The following RUNX2 variants were observed in gnomAD, a reference collection of about 807,000 sequenced individuals.
RUNX2 encodes the protein RUNX family transcription factor 2, also known as runt-related transcription factor 2.
Under a neutral mutation model 51.7 loss-of-function variants are expected in RUNX2, and 10 were observed. The ratio of observed to expected loss-of-function variants is 0.19; its 90% CI spans 0.12 to 0.33. The LOEUF is 0.33. Ranked by LOEUF, RUNX2 falls within the 10% of genes least tolerant of loss-of-function variation. The probability of loss-of-function intolerance (pLI) is 1.00; values close to 1 mark genes in which losing one functional copy is unlikely to be tolerated. For missense variants in RUNX2, 562 were observed against 691.3 expected (o/e 0.81, Z 2.10); for synonymous variants, 276 against 273.6 (o/e 1.01, Z -0.09).
intron 6 of RUNX2, among the ~76,000 whole-genome samples, chr6:45,506,696 C>T (rs557710990): frequency 8.1e-4 from 124 of 152,276 alleles, no homozygotes; most frequent in African/African-American, 2.9e-3. Flanking sequence ...CGCTCTGTCG[C>T]CCAGGCTGGA....
intron 3 of RUNX2, 109 bp from the exon 4 acceptor site, chr6:45,431,754 A>C: frequency 7.9e-7 from 1 of 1,271,538 alleles, no homozygotes; most frequent in Non-Finnish European, 1.1e-6. Context: ...ACTGGACTGG[A>C]CTAGAACACT....
At chr6:45,376,941 T>C (rs1796873099) in intron 2 of RUNX2, among the ~76,000 whole-genome samples, 1 of 151,580 alleles carries the variant, frequency 6.6e-6, no homozygotes, top group Admixed American at 6.6e-5. Context: ...CGAAATAACT[T>C]AACATTTCTA....
intron 2 of RUNX2, among the ~76,000 whole-genome samples, chr6:45,394,687 A>G (rs1398603873): frequency 6.6e-6 from 1 of 152,162 alleles, no homozygotes; most frequent in Non-Finnish European, 1.5e-5. Flanking sequence ...TAGGAAGGCC[A>G]GTAGGGGCTG....
intron 5 of RUNX2, among the ~76,000 whole-genome samples, chr6:45,455,973 G>C (rs559919068): frequency 6.6e-6 from 1 of 151,906 alleles, no homozygotes; most frequent in Non-Finnish European, 1.5e-5. Context: ...GTGAAAATAC[G>C]ACATTGTTAG....
At chr6:45,463,517 T>G (rs1196078783) in intron 5 of RUNX2, among the ~76,000 whole-genome samples, 1 of 152,236 alleles carries the variant, frequency 6.6e-6, no homozygotes, top group Admixed American at 6.5e-5. Context: ...GTATGCTGGT[T>G]TTTTTCCTTT....
rs1561824334 is a variant in RUNX2 at position 45,549,504 on chromosome 6, ATTAC to A, written c.*2203_*2206del. 2 of 397,404 alleles carry A rather than the reference ATTAC, an allele frequency of 5.0e-6. No individual in the cohort carries two copies. Among genetic ancestry groups the A allele is most frequent in the African/African-American group, 2.1e-5 (1 of 48,616 alleles). 24.6% of individuals were successfully genotyped at this position (397,404 alleles called of 1,614,324 possible). A position where few individuals can be genotyped will look rare whatever the true frequency, so the allele number is the denominator to read the frequency against. ...GCTTAGATAAATAAGCCACTTTTCT[ATTAC>A]TTAAGTAAGAAGGAAGTAGTAATTG... On this transcript the variant is annotated 3_prime_UTR_variant, in exon 9 of 9. Transcript: ENST00000647337.
At chr6:45,353,403 A>T (rs902060756) in intron 2 of RUNX2, among the ~76,000 whole-genome samples, 2 of 152,102 alleles carry the variant, frequency 1.3e-5, no homozygotes, top group Non-Finnish European at 2.9e-5. Flanking sequence ...AAAACATATT[A>T]AGAAGCTATA....
intron 4 of RUNX2, among the ~76,000 whole-genome samples, chr6:45,436,198 A>G (rs1798679387): frequency 1.3e-5 from 2 of 152,204 alleles, no homozygotes; most frequent in African/African-American, 4.8e-5. Flanking sequence ...TCTTGGGCAC[A>G]TAGAGCTGAT....
chr6:45,501,701 G>T (rs1010337976), intron 6 of RUNX2, among the ~76,000 whole-genome samples: 1 of 152,174 alleles, frequency 6.6e-6, no homozygotes, highest in Non-Finnish European at 1.5e-5. Context: ...AGACAGATGA[G>T]CTGCCTTCTA....
At chr6:45,419,104 C>CT (rs1798122591) in intron 2 of RUNX2, among the ~76,000 whole-genome samples, 1 of 152,200 alleles carries the variant, frequency 6.6e-6, no homozygotes, top group South Asian at 2.1e-4. Flanking sequence ...AAGGTAACTT[C>CT]TTAAATTCAA....
rs76595706 is a variant in RUNX2, at chr6:45,366,244, G to T, written c.58+37460G>T. 7.5e-3 allele frequency among the ~76,000 whole-genome samples: 1,140 copies of T among 152,288 alleles called. 20 individuals carry two copies. Among genetic ancestry groups the T allele is most frequent in the African/African-American group, 0.026 (1,082 of 41,558 alleles). ...TATGATAAAGTAAAGCAGTGCAGAG[G>T]ACTTTCAGTAAACTAAGAGGGCAGG... On this transcript the variant is annotated intron_variant, in intron 2 of 8. Transcript: ENST00000647337.
At chr6:45,416,537 C>T (rs1798071786) in intron 2 of RUNX2, among the ~76,000 whole-genome samples, 1 of 152,168 alleles carries the variant, frequency 6.6e-6, no homozygotes, top group Admixed American at 6.5e-5. Context: ...TTAGAAGTTT[C>T]ATCACAGACC....
At chr6:45,396,663 C>A (rs547220233) in intron 2 of RUNX2, among the ~76,000 whole-genome samples, 2 of 152,300 alleles carry the variant, frequency 1.3e-5, no homozygotes, top group Non-Finnish European at 2.9e-5. Flanking sequence ...GCCTTGATCT[C>A]CCAAAGTGCT....
Position 45,441,585 on chromosome 6 carries a change from C to T in RUNX2, c.685+3534C>T, listed in dbSNP as rs984224746. Among the ~76,000 whole-genome samples, 8 of 152,258 alleles carry T rather than the reference C, an allele frequency of 5.3e-5. No individual in the cohort carries two copies. In the South Asian group the frequency reaches 1.2e-3, roughly 24 times the overall value. ...TACATCAATTTTCTTTAGTGTCAGA[C>T]GTTGGCTGTAGAGTTTTGCTTATGG... On this transcript the variant is annotated intron_variant, in intron 5 of 8. Coordinates refer to ENST00000647337, the MANE Select transcript of RUNX2 (RefSeq NM_001024630.4).
chr6:45,535,548 G>A (rs1388608380), intron 7 of RUNX2, among the ~76,000 whole-genome samples: 1 of 151,726 alleles, frequency 6.6e-6, no homozygotes, highest in Non-Finnish European at 1.5e-5. Context: ...AGCTTGCAGT[G>A]AGCCGAGATT....
At chr6:45,542,974 C>G (rs1360767856) in intron 7 of RUNX2, among the ~76,000 whole-genome samples, 1 of 152,172 alleles carries the variant, frequency 6.6e-6, no homozygotes, top group Non-Finnish European at 1.5e-5. Flanking sequence ...ACTTTTCCAT[C>G]AGAGTTCCTC....
chr6:45,544,426 C>G (rs1246932373), intron 7 of RUNX2, among the ~76,000 whole-genome samples: 2 of 151,882 alleles, frequency 1.3e-5, no homozygotes, highest in African/African-American at 4.8e-5. Context: ...CTGCCAGGGC[C>G]CCACATAAAG....
intron 6 of RUNX2, among the ~76,000 whole-genome samples, chr6:45,505,222 A>G (rs1376230326): frequency 6.6e-6 from 1 of 152,166 alleles, no homozygotes; most frequent in Non-Finnish European, 1.5e-5. Flanking sequence ...AGCCTTGCTA[A>G]TAGCAGCTGC....
intron 2 of RUNX2, among the ~76,000 whole-genome samples, chr6:45,385,789 A>G (rs1797335137): frequency 6.6e-6 from 1 of 152,148 alleles, no homozygotes; most frequent in South Asian, 2.1e-4. Flanking sequence ...AATCCCAGCT[A>G]CTCAGTAGAC....
Sources: gnomAD v4.1 joint callset for allele counts (sites outside exome capture counted in the v4.1 genomes callset) on GRCh38, gnomAD v4.1.1 for gene constraint, MANE v1.5 for transcripts, NCBI Gene and HGNC (gene_info 2026-07-23, HGNC 2026-07-21) for gene names.